ANP32E: variants seen among roughly 807,000 people sequenced by gnomAD.
ANP32E encodes the protein acidic leucine-rich nuclear phosphoprotein 32 family member E.
ANP32E carries 14 observed loss-of-function variants against 35.3 expected under a neutral mutation model. The observed-to-expected ratio is 0.40, with a 90% CI of 0.26 to 0.62. The LOEUF is 0.62. Ranked by LOEUF, ANP32E falls within the 20% of genes least tolerant of loss-of-function variation. The pLI is 0.45. For missense variants in ANP32E, 198 were observed against 304.4 expected, an observed-to-expected ratio of 0.65 and a Z score of 2.60; for synonymous variants, 89 against 110.4, an observed-to-expected ratio of 0.81 and a Z score of 1.22.
At chr1:150,230,805 G>C (rs748477853) in intron 2 of ANP32E, 112 bp from the exon 3 acceptor site, 2 of 964,446 alleles carry the variant, frequency 2.1e-6, no homozygotes, top group East Asian at 5.9e-5. Flanking sequence ...GCAGTGGTGC[G>C]ATCTCCACTC....
At chr1:150,221,045 G>A (rs1038771425) in intron 6 of ANP32E, among the ~76,000 whole-genome samples, 1 of 143,262 alleles carries the variant, frequency 7.0e-6, no homozygotes, top group Non-Finnish European at 1.5e-5. Context: ...AACCTGGAAG[G>A]CAGAGGTTCC....
rs1434184283 is a variant in ANP32E at position 150,236,101 on chromosome 1, T to C, written c.-315A>G. On this transcript the variant is annotated 5_prime_UTR_variant, in exon 1 of 7. Transcript: ENST00000583931. The stretch of plus-strand genomic sequence containing the variant: ...CCGCAGTTCCTTCCCCTTCAATGGC[T>C]GCTCAGAGACTGAGCCTCCATGACA... 2 of 284,332 alleles carry C rather than the reference T, an allele frequency of 7.0e-6. No homozygotes were observed. Among genetic ancestry groups the C allele is most frequent in the Non-Finnish European group, 1.3e-5 (2 of 148,210 alleles). 17.6% of individuals were successfully genotyped at this position (284,332 alleles called of 1,614,324 possible). A position where few individuals can be genotyped will look rare whatever the true frequency, so the allele number is the denominator to read the frequency against.
rs28460085 is a variant in ANP32E at position 150,226,713 on chromosome 1, T to G, written c.576A>C (p.Glu192Asp). Residue 192 changes from glutamate to aspartate, a missense_variant, in exon 5 of 7, where the codon GAA becomes GAC. Glu to Asp is a conservative substitution (Grantham distance 45, BLOSUM62 2). Coordinates refer to ENST00000583931, the MANE Select transcript of ANP32E (RefSeq NM_030920.5). ...EGYEEEEEEE[E>D]EEDEDEDEDE... ...CTTCATCCTCATCCTCATCCTCCTC[T>G]TCCTCTTCCTCCTCCTCTTCCTCAT... The G allele has an allele frequency of 1.2e-6, 1 of 801,164 alleles. No homozygotes were observed. Among genetic ancestry groups the G allele is most frequent in the East Asian group, 8.8e-5 (1 of 11,368 alleles). 49.6% of individuals were successfully genotyped at this position (801,164 alleles called of 1,614,324 possible).
intron 6 of ANP32E, among the ~76,000 whole-genome samples, chr1:150,222,221 G>C (rs1288704137): frequency 6.6e-6 from 1 of 151,568 alleles, no homozygotes; most frequent in Non-Finnish European, 1.5e-5. Context: ...GAGATCGAGA[G>C]CAACCTTGCT....
chr1:150,224,617 T>C (rs1158027027), intron 5 of ANP32E, among the ~76,000 whole-genome samples: 1 of 151,944 alleles, frequency 6.6e-6, no homozygotes, highest in Non-Finnish European at 1.5e-5. Context: ...TTCTTCATTA[T>C]ATATAGCTCC....
chr1:150,229,487 T>C (rs1649175129), intron 3 of ANP32E, among the ~76,000 whole-genome samples: 1 of 151,414 alleles, frequency 6.6e-6, no homozygotes, highest in African/African-American at 2.4e-5. Context: ...TGTTTTGTTC[T>C]GTTTTGTTGA....
At position 150,229,171 on chromosome 1, in the gene ANP32E, T is replaced by C. The variant is rs1553840962; in HGVS notation, c.394A>G (p.Arg132Gly). 6.2e-7 allele frequency: 1 copy of C among 1,612,938 alleles called. No homozygotes were observed. Among genetic ancestry groups the C allele is most frequent in the Non-Finnish European group, 8.5e-7 (1 of 1,179,062 alleles). ...TGCAGTAGTTCAAAAATACTTTCTC[T>C]ATAATCTTCCAGGTTTGTGATCTCA... Reference protein sequence around the residue: ...NCEITNLEDYRESIFELLQQI... With the variant: ...NCEITNLEDYGESIFELLQQI... Residue 132 changes from arginine to glycine, a missense_variant, in exon 4 of 7, where the codon AGA (arginine) becomes GGA (glycine). Arg to Gly is a moderately radical substitution (Grantham distance 125). Around this residue, in one of 4 missense-constraint regions of ANP32E, gnomAD observed 31 missense variants for 62.6 expected, o/e 0.50. Transcript: ENST00000583931.
chr1:150,235,739 C>T lies in ANP32E; in HGVS notation c.48G>A (p.Pro16=), dbSNP rs1553843169. The T allele has an allele frequency of 1.2e-6, 2 of 1,613,092 alleles. No homozygotes were observed. The highest frequency in any genetic ancestry group is 1.7e-5 in the Admixed American group (1 of 59,878). The stretch of plus-strand genomic sequence containing the variant: ...GGGGGCTGAGTCATCTCACCTCCTC[C>T]GGGGATCTGTTCCTTAACTCCAGGT... ...KINLELRNRS[P]EEVTELVLDN... Residue 16 remains proline (P), a synonymous_variant, in exon 1 of 7, where the codon CCG becomes CCA. Coordinates refer to ENST00000583931, the MANE Select transcript of ANP32E (RefSeq NM_030920.5). This position sits in a 1 kb window ranked among gnomAD's most constrained non-coding sequence, Gnocchi z 4.2.
intron 3 of ANP32E, 24 bp downstream of exon 3, chr1:150,230,547 C>T (rs1553841425): frequency 6.4e-7 from 1 of 1,555,850 alleles, no homozygotes; most frequent in Non-Finnish European, 8.7e-7. Context: ...AAAGCAAGTC[C>T]AGAGACAAAA....
chr1:150,221,177 C>T (rs1553837728), intron 6 of ANP32E, among the ~76,000 whole-genome samples: 1 of 149,616 alleles, frequency 6.7e-6, no homozygotes, highest in African/African-American at 2.5e-5. Context: ...GTGGCTCACG[C>T]CAGTAATTCC....
intron 5 of ANP32E, among the ~76,000 whole-genome samples, chr1:150,224,631 C>A (rs75278537): frequency 6.6e-6 from 1 of 151,916 alleles, no homozygotes; most frequent in Non-Finnish European, 1.5e-5. Context: ...TAGCTCCTAA[C>A]TCGCCAAGAC....
chr1:150,228,934 T>G, intron 4 of ANP32E, 138 bp downstream of exon 4: 1 of 702,120 alleles, frequency 1.4e-6, no homozygotes, highest in Non-Finnish European at 2.4e-6. Flanking sequence ...AGCTATGGGT[T>G]TTTAATTTTT....
chr1:150,226,924 T>A (rs1648929918), intron 4 of ANP32E, 129 bp from the exon 5 acceptor site: 2 of 1,260,550 alleles, frequency 1.6e-6, no homozygotes, highest in Non-Finnish European at 2.1e-6. Context: ...CTCACAGCGA[T>A]ACTTTTTTTT....
At chr1:150,232,155 T>TA (rs1553841926) in intron 1 of ANP32E, among the ~76,000 whole-genome samples, 1 of 151,334 alleles carries the variant, frequency 6.6e-6, no homozygotes, top group African/African-American at 2.4e-5. Context: ...CCATCCCGGC[T>TA]AAAACGGTGA....
intron 6 of ANP32E, among the ~76,000 whole-genome samples, chr1:150,221,133 A>AAAAAC (rs1434313434): frequency 6.7e-6 from 1 of 150,048 alleles, no homozygotes; most frequent in Non-Finnish European, 1.5e-5. Flanking sequence ...AAAAAAAAAA[A>AAAAAC]ACGTTAATGG....
rs1389665421 is a variant in ANP32E, at chr1:150,220,851, A to G, written c.737-90T>C. The G allele has an allele frequency of 7.0e-6, 8 of 1,141,298 alleles. No homozygotes were observed. The Admixed American group carries it at 1.2e-4, about 17-fold the overall frequency. The allele number at this position is 1,141,298 out of a possible 1,614,324, so 70.7% of individuals were successfully genotyped here. On this transcript the variant is annotated intron_variant, in intron 6 of 6. Transcript: ENST00000583931. ...TGAATCTTAGTGAAAAGTTAATGGC[A>G]AGGCCTAGCACGGTGGCTCACACCT...
At chr1:150,225,129 T>C (rs1393655067) in intron 5 of ANP32E, among the ~76,000 whole-genome samples, 5 of 151,664 alleles carry the variant, frequency 3.3e-5, no homozygotes, top group East Asian at 3.9e-4. Flanking sequence ...AACTGAAGAG[T>C]TGGGTTTGTA....
Position 150,235,818 on chromosome 1 carries a change from C to CT in ANP32E, c.-33dup. The CT allele has an allele frequency of 6.5e-7, 1 of 1,534,498 alleles. No individual in the cohort carries two copies. Among genetic ancestry groups the CT allele is most frequent in the Non-Finnish European group, 8.9e-7 (1 of 1,121,330 alleles). ...CTCTTGCTCTTCAGCTACTACTCTCCTTTTCCCTTTCCTGCCTTCCCCAAT... is the reference window on the plus strand; with the variant it reads ...CTCTTGCTCTTCAGCTACTACTCTCCTTTTTCCCTTTCCTGCCTTCCCCAAT... On this transcript the variant is annotated 5_prime_UTR_variant, in exon 1 of 7. Transcript: ENST00000583931. The surrounding 1 kb of genome is among the most constrained non-coding windows in gnomAD (Gnocchi z 4.2).
At chr1:150,223,739 T>TTTTA (rs1553838901) in intron 5 of ANP32E, among the ~76,000 whole-genome samples, 3 of 149,316 alleles carry the variant, frequency 2.0e-5, no homozygotes, top group Admixed American at 6.6e-5. Flanking sequence ...TCTCTTTCCT[T>TTTTA]TTTATTTATT....
Sources: allele counts gnomAD v4.1 joint callset (sites outside exome capture counted in the v4.1 genomes callset), GRCh38; gene constraint gnomAD v4.1.1; regional missense constraint gnomAD v4.1.1; non-coding constraint Gnocchi (gnomAD v3.1); transcripts MANE v1.5; gene names NCBI Gene and HGNC (gene_info 2026-07-23, HGNC 2026-07-21).